The following MAST4 variants were observed in gnomAD, a reference collection of about 807,000 sequenced individuals.
MAST4 encodes the protein microtubule associated serine/threonine kinase family member 4.
Under a neutral mutation model 162.7 loss-of-function variants are expected in MAST4, and 89 were observed. That is an observed-to-expected ratio of 0.55 (90% CI 0.46 to 0.65). The LOEUF (loss-of-function observed/expected upper bound fraction) is 0.65, where lower values mean the gene tolerates loss of function less well. Ranked by LOEUF, MAST4 falls within the 30% of genes least tolerant of loss-of-function variation. The pLI is 0.00. For missense variants in MAST4, 3,153 were observed against 3,374.0 expected (o/e 0.93, Z 1.62); for synonymous variants, 1,479 against 1,361.1 (o/e 1.09, Z -1.91).
chr5:66,722,272 G>C (rs934563942), intron 1 of MAST4, among the ~76,000 whole-genome samples: 15 of 152,076 alleles, frequency 9.9e-5, no homozygotes, highest in African/African-American at 3.4e-4. Flanking sequence ...GTGTTTTTTA[G>C]ATGTGCCATG....
chr5:66,923,483 A>G lies in MAST4; in HGVS notation c.674+23501A>G, dbSNP rs183832455. Among the ~76,000 whole-genome samples the G allele has an allele frequency of 2.6e-5, 4 of 152,346 alleles. No homozygotes were observed. In the East Asian group the frequency reaches 7.7e-4, roughly 29 times the overall value. Reference sequence around the variant, plus strand: ...TGGCCATTGAGAGAATTGCCACAAAACAAAATCATGCAACTGGTTGGTGAG... The same window carrying G: ...TGGCCATTGAGAGAATTGCCACAAAGCAAAATCATGCAACTGGTTGGTGAG... On this transcript the variant is annotated intron_variant, in intron 4 of 28. Coordinates refer to ENST00000403625, the MANE Select transcript of MAST4 (RefSeq NM_001164664.2).
intron 3 of MAST4, among the ~76,000 whole-genome samples, chr5:66,819,818 G>C (rs141329664): frequency 2.5e-4 from 37 of 147,184 alleles, no homozygotes; most frequent in South Asian, 8.6e-4. Context: ...CTGTCCCCAA[G>C]GCTGGAGTGC....
At chr5:67,119,341 C>T (rs903112254) in intron 13 of MAST4, among the ~76,000 whole-genome samples, 3 of 152,054 alleles carry the variant, frequency 2.0e-5, no homozygotes, top group Admixed American at 6.5e-5. Flanking sequence ...AGGCTCCTGC[C>T]GTGGCACAGG....
In MAST4 at chr5:67,012,924, G is replaced by GA. The variant is rs372291731; in HGVS notation, c.675-41474dup. The stretch of plus-strand genomic sequence containing the variant: ...TGACATATCATGGTTTTATTTTAAA[G>GA]AAAAAAGACCATAGCAGAGAATTTA... On this transcript the variant is annotated intron_variant, in intron 4 of 28. Transcript: ENST00000403625. Among the ~76,000 whole-genome samples the GA allele has an allele frequency of 3.6e-3, 552 of 152,194 alleles. 7 individuals are homozygous for GA. Among genetic ancestry groups the GA allele is most frequent in the African/African-American group, 0.013 (525 of 41,538 alleles).
chr5:66,609,848 A>G (rs1440861949), intron 1 of MAST4, among the ~76,000 whole-genome samples: 1 of 151,856 alleles, frequency 6.6e-6, no homozygotes, highest in East Asian at 1.9e-4. Flanking sequence ...CACACCCAAA[A>G]CTAATGGGTG....
chr5:66,636,043 C>T (rs1423337784), intron 1 of MAST4, among the ~76,000 whole-genome samples: 4 of 148,616 alleles, frequency 2.7e-5, no homozygotes, highest in Non-Finnish European at 5.9e-5. Context: ...CTGCAACCTC[C>T]GCCTCCTGGG....
At chr5:66,806,496 C>T (rs1380848645) in intron 3 of MAST4, among the ~76,000 whole-genome samples, 1 of 152,182 alleles carries the variant, frequency 6.6e-6, no homozygotes, top group South Asian at 2.1e-4. Context: ...GAGGGAAAGA[C>T]TGGGAATCCT....
chr5:67,043,453 T>G (rs115463943), intron 4 of MAST4, among the ~76,000 whole-genome samples: 2,664 of 152,292 alleles, frequency 0.017, 87 homozygotes, highest in African/African-American at 0.061. Flanking sequence ...AATTTTACTG[T>G]GTTATTTCCA....
At chr5:67,011,726 G>A (rs1752693732) in intron 4 of MAST4, among the ~76,000 whole-genome samples, 1 of 152,174 alleles carries the variant, frequency 6.6e-6, no homozygotes, top group Non-Finnish European at 1.5e-5. Context: ...CAGATACAAA[G>A]GATGGAAGCA....
chr5:66,642,444 C>T (rs1745547017), intron 1 of MAST4, among the ~76,000 whole-genome samples: 1 of 152,172 alleles, frequency 6.6e-6, no homozygotes, highest in Non-Finnish European at 1.5e-5. Context: ...GAAAATTGGA[C>T]AATGACTGGA....
At chr5:66,688,914 G>C (rs1278236311) in intron 1 of MAST4, among the ~76,000 whole-genome samples, 1 of 151,944 alleles carries the variant, frequency 6.6e-6, no homozygotes, top group Non-Finnish European at 1.5e-5. Context: ...AACTGAAGAG[G>C]AACATTATGT....
At chr5:66,660,874 C>G (rs1440193337) in intron 1 of MAST4, among the ~76,000 whole-genome samples, 2 of 152,178 alleles carry the variant, frequency 1.3e-5, no homozygotes, top group Non-Finnish European at 2.9e-5. Flanking sequence ...GTGTGAATTT[C>G]TAAAGTTAAT....
At chr5:67,020,966 C>T (rs555451451) in intron 4 of MAST4, among the ~76,000 whole-genome samples, 1 of 152,274 alleles carries the variant, frequency 6.6e-6, no homozygotes, top group East Asian at 1.9e-4. Context: ...ACCACAGAAA[C>T]TCTGGACTGC....
chr5:67,060,330 A>G (rs901323956), intron 5 of MAST4, among the ~76,000 whole-genome samples: 5 of 152,220 alleles, frequency 3.3e-5, no homozygotes, highest in Non-Finnish European at 5.9e-5. Context: ...GTTAATGCAA[A>G]TAATTGAAAG....
chr5:66,863,469 C>T (rs1167431503), intron 3 of MAST4, among the ~76,000 whole-genome samples: 2 of 152,224 alleles, frequency 1.3e-5, no homozygotes, highest in African/African-American at 4.8e-5. Context: ...GGTCTGACCT[C>T]CAGATCCCTT....
rs1561216912 is a variant in MAST4, at chr5:67,166,665, G to GC, written c.7491dup (p.Ser2498GlnfsTer6). 3.8e-6 allele frequency: 6 copies of GC among 1,597,690 alleles called. No homozygotes were observed. In the South Asian group the frequency reaches 6.8e-5, roughly 18 times the overall value. On this transcript the variant is annotated frameshift_variant, in exon 29 of 29. Transcript: ENST00000403625. LOFTEE classifies it low-confidence loss of function (END_TRUNC). ...CGCCGGGGGCATGCTGGAGCTTCCA[G>GC]CCCCCAGCAACAGGGACCATAGGAA...
intron 19 of MAST4, among the ~76,000 whole-genome samples, chr5:67,138,716 G>A (rs1334452343): frequency 6.6e-6 from 1 of 152,182 alleles, no homozygotes; most frequent in African/African-American, 2.4e-5. Context: ...TTACAGACAT[G>A]AGCCATTGTG....
chr5:67,132,326 GT>G (rs1239647661), intron 16 of MAST4, among the ~76,000 whole-genome samples: 1 of 151,864 alleles, frequency 6.6e-6, no homozygotes, highest in African/African-American at 2.4e-5. Flanking sequence ...CCCTTCCCTA[GT>G]TCCCCACCCC....
At chr5:67,162,859 T>C in intron 28 of MAST4, 71 bp downstream of exon 28, 1 of 1,457,366 alleles carries the variant, frequency 6.9e-7, no homozygotes, top group Non-Finnish European at 9.3e-7. Flanking sequence ...CCAAAAAACA[T>C]GAAGCTTGTT....
Sources: allele counts gnomAD v4.1 joint callset (sites outside exome capture counted in the v4.1 genomes callset), GRCh38; gene constraint gnomAD v4.1.1; transcripts MANE v1.5; gene names NCBI Gene and HGNC (gene_info 2026-07-23, HGNC 2026-07-21).